CAMK2B: variants seen among roughly 807,000 people sequenced by gnomAD.
CAMK2B encodes calcium/calmodulin dependent protein kinase II beta, also known as calcium/calmodulin-dependent protein kinase type II subunit beta.
In CAMK2B, 27 loss-of-function variants were observed where a neutral mutation model predicts 93.7. The ratio of observed to expected loss-of-function variants is 0.29; its 90% CI spans 0.21 to 0.40. CAMK2B has a LOEUF of 0.40. CAMK2B is among the 10% of genes least tolerant of loss of function. CAMK2B has a pLI of 1.00. For missense variants in CAMK2B, 568 were observed against 895.8 expected, an observed-to-expected ratio of 0.63 and a Z score of 4.67; for synonymous variants, 374 against 358.8, an observed-to-expected ratio of 1.04 and a Z score of -0.48.
intron 1 of CAMK2B, among the ~76,000 whole-genome samples, chr7:44,324,136 T>C (rs1021802509): frequency 4.6e-5 from 7 of 152,168 alleles, no homozygotes; most frequent in Non-Finnish European, 7.4e-5. Flanking sequence ...CCCACACTCC[T>C]CCAGCTCCGC....
rs1380067107 is a variant in CAMK2B, at chr7:44,226,320, A to G, written c.1597+196T>C. Among the ~76,000 whole-genome samples the G allele has an allele frequency of 2.6e-5, 4 of 152,170 alleles. No individual in the cohort carries two copies. In the East Asian group the frequency reaches 7.7e-4, roughly 29 times the overall value. ...TATACACATATGTCATACACACTTC[A>G]TAACCATAACCTCCATTTTCTGAGA... On this transcript the variant is annotated intron_variant, in intron 20 of 23. Transcript: ENST00000395749.
intron 1 of CAMK2B, among the ~76,000 whole-genome samples, chr7:44,299,564 A>G (rs1439589511): frequency 3.9e-5 from 6 of 152,036 alleles, no homozygotes; most frequent in Non-Finnish European, 8.8e-5. Flanking sequence ...TTTAAAAATT[A>G]AAAATAAATA....
chr7:44,288,070 C>A (rs1193456385), intron 1 of CAMK2B, among the ~76,000 whole-genome samples: 2 of 152,192 alleles, frequency 1.3e-5, no homozygotes, highest in Admixed American at 1.3e-4. Context: ...ACAGGAAGAG[C>A]GGCCCCTAGA....
intron 1 of CAMK2B, among the ~76,000 whole-genome samples, chr7:44,309,499 C>G (rs1376687450): frequency 6.6e-6 from 1 of 152,198 alleles, no homozygotes; most frequent in African/African-American, 2.4e-5. Context: ...TGGACCACAT[C>G]AGGTCCCCAG....
At chr7:44,282,414 T>C (rs1257020358) in intron 2 of CAMK2B, among the ~76,000 whole-genome samples, 1 of 152,148 alleles carries the variant, frequency 6.6e-6, no homozygotes, top group Non-Finnish European at 1.5e-5. Context: ...GGAGAATGGT[T>C]GGGAGCGCAT....
At chr7:44,325,756 C>T (rs1797387854), upstream of CAMK2B, 4 of 146,560 alleles carry the variant, frequency 2.7e-5, no homozygotes, top group Admixed American at 1.4e-4. Context: ...ACCCGCAGGG[C>T]ACCGGCGCCC....
rs1562754125 is a variant in CAMK2B at position 44,218,991 on chromosome 7, C to T, written c.*534G>A. 1.3e-5 allele frequency: 2 copies of T among 152,364 alleles called. No homozygotes were observed. Among genetic ancestry groups the T allele is most frequent in the African/African-American group, 2.4e-5 (1 of 41,444 alleles). 9.4% of individuals were successfully genotyped at this position (152,364 alleles called of 1,614,324 possible). A position where few individuals can be genotyped will look rare whatever the true frequency, so the allele number is the denominator to read the frequency against. On this transcript the variant is annotated 3_prime_UTR_variant, in exon 24 of 24. Transcript: ENST00000395749. Reference sequence around the variant, plus strand: ...ACTAGCGGGAAAGGAGGCAGCCCAGCGGGCCCCCACAGCCCCTCCCAAGAG... The same window carrying T: ...ACTAGCGGGAAAGGAGGCAGCCCAGTGGGCCCCCACAGCCCCTCCCAAGAG...
chr7:44,281,851 G>A (rs1184899994), intron 2 of CAMK2B, among the ~76,000 whole-genome samples: 2 of 152,142 alleles, frequency 1.3e-5, no homozygotes, highest in African/African-American at 4.8e-5. Context: ...TCTGCCCACT[G>A]CTCTCCCGGC....
rs907003207 is a variant in CAMK2B, at chr7:44,224,541, A to G, written c.1597+1975T>C. On this transcript the variant is annotated intron_variant, in intron 20 of 23. Transcript: ENST00000395749. This position sits in a 1 kb window ranked among gnomAD's most constrained non-coding sequence, Gnocchi z 4.4. ...TTCCAGGTGCCCTGACATGAACAGG[A>G]GCCTTTGCATTGCCTGTGGCTCTCT... Among the ~76,000 whole-genome samples the G allele has an allele frequency of 2.0e-5, 3 of 152,048 alleles. No individual in the cohort carries two copies. Among genetic ancestry groups the G allele is most frequent in the Non-Finnish European group, 4.4e-5 (3 of 67,994 alleles).
chr7:44,274,898 G>T (rs970611858), intron 2 of CAMK2B, among the ~76,000 whole-genome samples: 8 of 152,222 alleles, frequency 5.3e-5, no homozygotes, highest in Non-Finnish European at 1.0e-4. Context: ...CCCACCAGAT[G>T]TGGGAACTGT....
chr7:44,219,682 T>C, intron 23 of CAMK2B, 160 bp from the exon 24 acceptor site: 1 of 282,142 alleles, frequency 3.5e-6, no homozygotes, highest in Non-Finnish European at 6.7e-6. Flanking sequence ...CTACTATCCC[T>C]GTAAAACTGG....
rs1025180786 is a variant in CAMK2B at position 44,254,646 on chromosome 7, C to T, written c.276-39G>A. 3.4e-6 allele frequency: 5 copies of T among 1,452,140 alleles called. No homozygotes were observed. The Admixed American group carries it at 8.4e-5, about 24-fold the overall frequency. The allele number at this position is 1,452,140 out of a possible 1,614,324, so 90.0% of individuals were successfully genotyped here. A position where few individuals can be genotyped will look rare whatever the true frequency, so the allele number is the denominator to read the frequency against. The stretch of plus-strand genomic sequence containing the variant: ...ATGAAGGGGTCACAGATTCTGGAGA[C>T]CCCTGTCACACTGCACTGTCACCTC... On this transcript the variant is annotated intron_variant, in intron 4 of 23. Transcript: ENST00000395749.
intron 15 of CAMK2B, among the ~76,000 whole-genome samples, chr7:44,233,870 C>A (rs1163749518): frequency 6.6e-6 from 1 of 152,182 alleles, no homozygotes; most frequent in Non-Finnish European, 1.5e-5. Context: ...GGCTTAGACA[C>A]CTCTCTACTG....
chr7:44,273,882 AAGGCCAGGGAGCACAGCCCG>A (rs1345345696), intron 2 of CAMK2B, among the ~76,000 whole-genome samples: 2 of 152,156 alleles, frequency 1.3e-5, no homozygotes, highest in Non-Finnish European at 2.9e-5. Flanking sequence ...CCCGAGGCCC[AAGGCCAGGGAGCACAGCCCG>A]AGGCCAGGGA....
At chr7:44,299,182 T>C (rs1305382581) in intron 1 of CAMK2B, among the ~76,000 whole-genome samples, 7 of 152,240 alleles carry the variant, frequency 4.6e-5, no homozygotes, top group Non-Finnish European at 1.0e-4. Flanking sequence ...AAGTGTGGTC[T>C]ATATATACAA....
At chr7:44,233,085 C>G (rs1403279419) in intron 15 of CAMK2B, among the ~76,000 whole-genome samples, 2 of 152,062 alleles carry the variant, frequency 1.3e-5, no homozygotes, top group Non-Finnish European at 2.9e-5. Context: ...TGGACAGGAG[C>G]TCTGTCCAGG....
At chr7:44,250,447 C>T (rs2096769395) in intron 5 of CAMK2B, among the ~76,000 whole-genome samples, 1 of 152,058 alleles carries the variant, frequency 6.6e-6, no homozygotes, top group African/African-American at 2.4e-5. Context: ...TATTCTCAGC[C>T]TGGGCTCTGA....
intron 1 of CAMK2B, among the ~76,000 whole-genome samples, chr7:44,317,847 A>G (rs1293925921): frequency 6.6e-6 from 1 of 152,194 alleles, no homozygotes; most frequent in African/African-American, 2.4e-5. Context: ...ACCAAGGGTT[A>G]TATGAAGGAG....
At chr7:44,275,159 G>T (rs1431578641) in intron 2 of CAMK2B, among the ~76,000 whole-genome samples, 4 of 152,172 alleles carry the variant, frequency 2.6e-5, no homozygotes, top group Admixed American at 6.5e-5. Context: ...TGGCTCAGGG[G>T]TTCCTCCCTC....
Sources: allele counts gnomAD v4.1 joint callset (sites outside exome capture counted in the v4.1 genomes callset), GRCh38; gene constraint gnomAD v4.1.1; non-coding constraint Gnocchi (gnomAD v3.1); transcripts MANE v1.5; gene names NCBI Gene and HGNC (gene_info 2026-07-23, HGNC 2026-07-21).